Variants in ADAMTS12 observed in about 807,000 individuals in gnomAD.
ADAMTS12 encodes A disintegrin and metalloproteinase with thrombospondin motifs 12.
Under a neutral mutation model 167.8 loss-of-function variants are expected in ADAMTS12, and 118 were observed. That is an observed-to-expected ratio of 0.70 (90% CI 0.61 to 0.82). The LOEUF is 0.82. ADAMTS12 is among the 40% of genes least tolerant of loss of function. ADAMTS12 has a pLI of 0.00. For missense variants in ADAMTS12, 1,916 were observed against 1,998.8 expected (o/e 0.96, Z 0.79); for synonymous variants, 704 against 716.9 (o/e 0.98, Z 0.29).
chr5:33,567,079 T>G (rs1239040311), intron 19 of ADAMTS12, among the ~76,000 whole-genome samples: 1 of 152,204 alleles, frequency 6.6e-6, no homozygotes, highest in Non-Finnish European at 1.5e-5. Context: ...GAGACATTAC[T>G]TGTTGGGCTT....
intron 2 of ADAMTS12, among the ~76,000 whole-genome samples, chr5:33,854,766 T>C (rs1749340350): frequency 6.6e-6 from 1 of 152,120 alleles, no homozygotes; most frequent in Non-Finnish European, 1.5e-5. Context: ...AAAGCACTGA[T>C]AGCGACAGGA....
chr5:33,669,161 C>T (rs2112232725), intron 5 of ADAMTS12, among the ~76,000 whole-genome samples: 1 of 152,220 alleles, frequency 6.6e-6, no homozygotes. Context: ...TTGAACATGT[C>T]TATGTTCAGC....
intron 23 of ADAMTS12, among the ~76,000 whole-genome samples, chr5:33,527,702 A>C (rs1743891444): frequency 6.6e-6 from 1 of 152,174 alleles, no homozygotes; most frequent in Non-Finnish European, 1.5e-5. Flanking sequence ...ATGGGATGCT[A>C]GTAGACACGA....
At chr5:33,762,618 G>A (rs1745399325) in intron 2 of ADAMTS12, among the ~76,000 whole-genome samples, 1 of 152,156 alleles carries the variant, frequency 6.6e-6, no homozygotes, top group Admixed American at 6.5e-5. Context: ...GACAAGGCCA[G>A]AAGGGAAAAA....
intron 1 of ADAMTS12, among the ~76,000 whole-genome samples, chr5:33,890,107 G>A (rs879273089): frequency 6.6e-6 from 1 of 152,128 alleles, no homozygotes; most frequent in African/African-American, 2.4e-5. Context: ...TCACTTTCCA[G>A]AGAGCAAAAA....
At position 33,818,537 on chromosome 5, in the gene ADAMTS12, C is replaced by T. The variant is rs113997028; in HGVS notation, c.489+62582G>A. The stretch of plus-strand genomic sequence containing the variant: ...CTATTGTGAGTAATGCTGTAATTCA[C>T]ATGAGTGTAGATCTATGTATGAGGT... On this transcript the variant is annotated intron_variant, in intron 2 of 23. Transcript: ENST00000504830. Among the ~76,000 whole-genome samples, 1,081 of 152,142 alleles carry T rather than the reference C, an allele frequency of 7.1e-3. 12 individuals are homozygous for T. The highest frequency in any genetic ancestry group is 0.025 in the African/African-American group (1,043 of 41,520).
At chr5:33,550,116 C>G (rs1238968154) in intron 20 of ADAMTS12, among the ~76,000 whole-genome samples, 5 of 152,198 alleles carry the variant, frequency 3.3e-5, no homozygotes, top group Non-Finnish European at 7.3e-5. Flanking sequence ...GACCCCACCC[C>G]TTGTGCAGCA....
At chr5:33,605,288 C>A (rs1387182277) in intron 16 of ADAMTS12, among the ~76,000 whole-genome samples, 3 of 152,324 alleles carry the variant, frequency 2.0e-5, no homozygotes, top group Non-Finnish European at 4.4e-5. Context: ...CAGTTCTAGC[C>A]ACTGTATTAT....
chr5:33,832,111 C>T (rs1435253174), intron 2 of ADAMTS12, among the ~76,000 whole-genome samples: 1 of 152,200 alleles, frequency 6.6e-6, no homozygotes, highest in Non-Finnish European at 1.5e-5. Flanking sequence ...ATTGCTGAAA[C>T]TATCTGATAG....
intron 3 of ADAMTS12, among the ~76,000 whole-genome samples, chr5:33,731,095 T>C (rs914658026): frequency 1.3e-5 from 2 of 152,230 alleles, no homozygotes; most frequent in Non-Finnish European, 2.9e-5. Context: ...TTTAGCTCAA[T>C]GTCATGCATA....
intron 5 of ADAMTS12, among the ~76,000 whole-genome samples, chr5:33,670,745 AAAAC>A (rs1561205802): frequency 1.3e-5 from 2 of 152,248 alleles, no homozygotes; most frequent in African/African-American, 2.4e-5. Context: ...TCTATCTCAA[AAAAC>A]AAACAAACAG....
At chr5:33,539,842 T>C (rs1744598057) in intron 22 of ADAMTS12, among the ~76,000 whole-genome samples, 3 of 152,148 alleles carry the variant, frequency 2.0e-5, no homozygotes, top group Admixed American at 2.0e-4. Flanking sequence ...CCAAGATGGC[T>C]GAATAGGAAG....
At chr5:33,890,674 C>T (rs1455209323) in intron 1 of ADAMTS12, among the ~76,000 whole-genome samples, 1 of 152,174 alleles carries the variant, frequency 6.6e-6, no homozygotes, top group Non-Finnish European at 1.5e-5. Flanking sequence ...CATGCTAACC[C>T]AGTGCTCTGT....
intron 3 of ADAMTS12, among the ~76,000 whole-genome samples, chr5:33,726,253 G>T (rs543615295): frequency 6.6e-6 from 1 of 152,202 alleles, no homozygotes; most frequent in African/African-American, 2.4e-5. Flanking sequence ...CCTTGCCTCG[G>T]TGAGTACACT....
intron 3 of ADAMTS12, among the ~76,000 whole-genome samples, chr5:33,743,935 T>C (rs777191342): frequency 6.6e-6 from 1 of 152,206 alleles, no homozygotes; most frequent in Non-Finnish European, 1.5e-5. Flanking sequence ...TTGCAGGCCA[T>C]TCAGATCATA....
chr5:33,564,160 T>C (rs1745888525), intron 19 of ADAMTS12, among the ~76,000 whole-genome samples: 1 of 152,234 alleles, frequency 6.6e-6, no homozygotes, highest in African/African-American at 2.4e-5. Flanking sequence ...CAAGGAACTT[T>C]AGAAATCACT....
chr5:33,684,093 T>C, intron 3 of ADAMTS12, 38 bp from the exon 4 acceptor site: 1 of 1,345,120 alleles, frequency 7.4e-7, no homozygotes, highest in South Asian at 2.1e-5. Flanking sequence ...TAACACTGTA[T>C]ATGTCTCATA....
intron 13 of ADAMTS12, among the ~76,000 whole-genome samples, chr5:33,628,961 C>T (rs2112139496): frequency 6.6e-6 from 1 of 152,186 alleles, no homozygotes; most frequent in Admixed American, 6.5e-5. Context: ...AGAAAGACAT[C>T]CAACTTATAA....
intron 2 of ADAMTS12, among the ~76,000 whole-genome samples, chr5:33,803,354 A>G (rs1408288188): frequency 6.6e-6 from 1 of 152,228 alleles, no homozygotes; most frequent in Non-Finnish European, 1.5e-5. Context: ...TAGAGAGTCA[A>G]TTAAGTACAC....
Sources: allele counts gnomAD v4.1 joint callset (sites outside exome capture counted in the v4.1 genomes callset), GRCh38; gene constraint gnomAD v4.1.1; transcripts MANE v1.5; gene names NCBI Gene and HGNC (gene_info 2026-07-23, HGNC 2026-07-21).